The following DCAF5 variants were observed in gnomAD, a reference collection of about 807,000 sequenced individuals.
The protein encoded by DCAF5 is DDB1 and CUL4 associated factor 5.
Under a neutral mutation model 80.7 loss-of-function variants are expected in DCAF5, and 9 were observed. The ratio of observed to expected loss-of-function variants is 0.11; its 90% CI spans 0.07 to 0.19. The LOEUF (loss-of-function observed/expected upper bound fraction) is 0.19, where lower values mean the gene tolerates loss of function less well. DCAF5 is among the 10% of genes least tolerant of loss of function. The pLI, the probability that DCAF5 is intolerant of heterozygous loss-of-function variation, is 1.00. For synonymous variants in DCAF5, 433 were observed against 461.9 expected, an observed-to-expected ratio of 0.94 and a Z score of 0.80; for missense variants, 842 against 1,205.7, an observed-to-expected ratio of 0.70 and a Z score of 4.47.
rs1466699359 is a variant in DCAF5, at chr14:69,052,938, A to G, written c.*919T>C. ...ACAACTACTTTAGTAGCCTGAGCAC[A>G]AAGCTCTGGAAAGCTGTCTTTGCCC... On this transcript the variant is annotated 3_prime_UTR_variant, in exon 9 of 9. Coordinates refer to ENST00000341516, the MANE Select transcript of DCAF5 (RefSeq NM_003861.3). 22 of 152,254 alleles carry G rather than the reference A, an allele frequency of 1.4e-4. No individual in the cohort carries two copies. The highest frequency in any genetic ancestry group is 1.4e-3 in the Admixed American group (22 of 15,278). 9.4% of individuals were successfully genotyped at this position (152,254 alleles called of 1,614,324 possible). A position where few individuals can be genotyped will look rare whatever the true frequency, so the allele number is the denominator to read the frequency against.
At chr14:69,070,867 GGCT>G (rs2038662768) in intron 7 of DCAF5, among the ~76,000 whole-genome samples, 1 of 151,006 alleles carries the variant, frequency 6.6e-6, no homozygotes, top group African/African-American at 2.4e-5. Flanking sequence ...GTGCAATCTC[GGCT>G]CAGTGCAACC....
At chr14:69,143,466 T>C (rs917254858) in intron 1 of DCAF5, among the ~76,000 whole-genome samples, 4 of 151,968 alleles carry the variant, frequency 2.6e-5, no homozygotes, top group East Asian at 3.9e-4. Context: ...TTTTAAGTGT[T>C]ACATATGCCT....
intron 1 of DCAF5, among the ~76,000 whole-genome samples, chr14:69,138,637 A>C (rs1196599385): frequency 6.6e-6 from 1 of 152,240 alleles, no homozygotes. Context: ...TCCTGATTGT[A>C]CTACTCACTA....
At chr14:69,059,916 T>C (rs537873975) in intron 8 of DCAF5, among the ~76,000 whole-genome samples, 1 of 152,290 alleles carries the variant, frequency 6.6e-6, no homozygotes, top group African/African-American at 2.4e-5. Context: ...TAAAACACTT[T>C]TTTCTCTTTT....
chr14:69,054,548 T>C lies in DCAF5; in HGVS notation c.2138A>G (p.Asn713Ser), dbSNP rs1472150176. The change falls in exon 9 of 9, where the codon AAC (asparagine) becomes AGC (serine). Residue 713 changes from asparagine (N) to serine (S), a missense_variant. This residue lies in a region of DCAF5 where 607 missense variants were observed against 656.6 expected (regional missense o/e 0.92). Coordinates refer to ENST00000341516, the MANE Select transcript of DCAF5 (RefSeq NM_003861.3). ...APSSSKEACL[N>S]IAMAQRNQDL... Reference sequence around the variant, plus strand: ...CTGGTTCCTCTGGGCCATTGCTATGTTTAGACAGGCTTCCTTACTGGAAGA... The same window carrying C: ...CTGGTTCCTCTGGGCCATTGCTATGCTTAGACAGGCTTCCTTACTGGAAGA... The C allele has an allele frequency of 6.2e-7, 1 of 1,614,200 alleles. No homozygotes were observed. The highest frequency in any genetic ancestry group is 1.1e-5 in the South Asian group (1 of 91,086).
At position 69,152,790 on chromosome 14, in the gene DCAF5, G is replaced by A; in HGVS notation, c.189C>T (p.Asn63=). The A allele has an allele frequency of 6.2e-7, 1 of 1,613,952 alleles. No homozygotes were observed. Among genetic ancestry groups the A allele is most frequent in the Non-Finnish European group, 8.5e-7 (1 of 1,179,958 alleles). The change falls in exon 1 of 9, where the codon AAC becomes AAT. Residue 63 remains asparagine (N), a synonymous_variant. Transcript: ENST00000341516. This position sits in a 1 kb window ranked among gnomAD's most constrained non-coding sequence, Gnocchi z 4.1. ...FGCVNAIEFS[N]NGGQWLVSGG... ...CTGAGACCAGCCACTGGCCTCCATT[G>A]TTGGAGAATTCAATGGCATTGACAC...
At chr14:69,127,973 T>C (rs988991606) in intron 1 of DCAF5, among the ~76,000 whole-genome samples, 24 of 152,174 alleles carry the variant, frequency 1.6e-4, no homozygotes, top group Non-Finnish European at 2.8e-4. Context: ...GTTACATCTT[T>C]TAGGTATTAT....
chr14:69,115,974 C>T (rs1166910357), intron 5 of DCAF5, among the ~76,000 whole-genome samples: 2 of 152,132 alleles, frequency 1.3e-5, no homozygotes, highest in Admixed American at 1.3e-4. Context: ...GAATCCCTGA[C>T]TCAGCAGCAA....
rs570873105 is a variant in DCAF5, at chr14:69,063,831, A to G, written c.947-1320T>C. Among the ~76,000 whole-genome samples, 25 of 152,298 alleles carry G rather than the reference A, an allele frequency of 1.6e-4. No homozygotes were observed. The South Asian group carries it at 5.2e-3, about 32-fold the overall frequency. On this transcript the variant is annotated intron_variant, in intron 7 of 8. Coordinates refer to ENST00000341516, the MANE Select transcript of DCAF5 (RefSeq NM_003861.3). The stretch of plus-strand genomic sequence containing the variant: ...CAGCAAAAGGTTCCAGACTGCACCC[A>G]TCTACTCACTCAGCCAGCTTTAGGT...
intron 5 of DCAF5, among the ~76,000 whole-genome samples, chr14:69,092,723 TTC>T (rs1355295609): frequency 6.6e-6 from 1 of 152,230 alleles, no homozygotes; most frequent in African/African-American, 2.4e-5. Flanking sequence ...AATTTTTATA[TTC>T]TATATAGCAT....
At chr14:69,120,136 T>C (rs980146380) in intron 2 of DCAF5, among the ~76,000 whole-genome samples, 8 of 152,154 alleles carry the variant, frequency 5.3e-5, no homozygotes, top group African/African-American at 1.9e-4. Context: ...CAGGCTGGAG[T>C]GCAGTGGTGC....
intron 8 of DCAF5, among the ~76,000 whole-genome samples, chr14:69,058,079 A>G (rs143900162): frequency 2.0e-4 from 30 of 152,364 alleles, no homozygotes; most frequent in African/African-American, 5.8e-4. Flanking sequence ...TCTGAACATT[A>G]TAAGTACTGA....
chr14:69,082,343 G>A (rs1435187327), intron 6 of DCAF5, among the ~76,000 whole-genome samples: 3 of 152,156 alleles, frequency 2.0e-5, no homozygotes, highest in African/African-American at 7.2e-5. Flanking sequence ...CACTATTTTT[G>A]CAAGTGAAGT....
chr14:69,095,424 GAGGTGATCCA>G (rs775564421), intron 5 of DCAF5, among the ~76,000 whole-genome samples: 3 of 152,124 alleles, frequency 2.0e-5, no homozygotes, highest in Non-Finnish European at 2.9e-5. Flanking sequence ...AACAGGGTAG[GAGGTGATCCA>G]AGGTGATCCA....
At chr14:69,104,410 A>G (rs1042314635) in intron 5 of DCAF5, among the ~76,000 whole-genome samples, 1 of 152,176 alleles carries the variant, frequency 6.6e-6, no homozygotes, top group Admixed American at 6.5e-5. Context: ...AATTTGTTCA[A>G]GCTTCTAGAT....
chr14:69,079,121 A>G (rs2039007709), intron 6 of DCAF5, among the ~76,000 whole-genome samples: 1 of 152,168 alleles, frequency 6.6e-6, no homozygotes, highest in Non-Finnish European at 1.5e-5. Flanking sequence ...AAAAAGTAAT[A>G]TTTAAGAAGA....
chr14:69,072,773 G>A (rs1411269217), intron 7 of DCAF5, among the ~76,000 whole-genome samples: 2 of 152,158 alleles, frequency 1.3e-5, no homozygotes, highest in African/African-American at 4.8e-5. Flanking sequence ...AGAGCAAGAT[G>A]ATGATCAAAG....
chr14:69,086,701 C>G lies in DCAF5; in HGVS notation c.879+4973G>C, dbSNP rs546814558. 4.0e-5 allele frequency among the ~76,000 whole-genome samples: 6 copies of G among 151,678 alleles called. No individual in the cohort carries two copies. The South Asian group carries it at 1.3e-3, about 32-fold the overall frequency. On this transcript the variant is annotated intron_variant, in intron 6 of 8. Coordinates refer to ENST00000341516, the MANE Select transcript of DCAF5 (RefSeq NM_003861.3). ...GAGTACTTACTACTGCATTCCATAC[C>G]TTGGCTATACCCATATAGTGTCAAC...
chr14:69,125,396 G>A (rs993733542), intron 1 of DCAF5, among the ~76,000 whole-genome samples: 1 of 152,064 alleles, frequency 6.6e-6, no homozygotes, highest in African/African-American at 2.4e-5. Flanking sequence ...GCACAAAACT[G>A]GTAATGGCTT....
Sources: gnomAD v4.1 joint callset for allele counts (sites outside exome capture counted in the v4.1 genomes callset) on GRCh38, gnomAD v4.1.1 for gene constraint, gnomAD v4.1.1 regional missense constraint, Gnocchi (gnomAD v3.1) non-coding constraint, MANE v1.5 for transcripts, NCBI Gene and HGNC (gene_info 2026-07-23, HGNC 2026-07-21) for gene names.